The following GTF3C1 variants were observed in gnomAD, a reference collection of about 807,000 sequenced individuals.
GTF3C1 encodes the protein general transcription factor 3C polypeptide 1.
A neutral mutation model predicts 226.7 loss-of-function variants in GTF3C1; 57 were observed. That is an observed-to-expected ratio of 0.25 (90% confidence interval 0.20 to 0.31). The LOEUF (loss-of-function observed/expected upper bound fraction) is 0.31, where lower values mean the gene tolerates loss of function less well. GTF3C1 is among the 10% of genes least tolerant of loss of function. The probability of loss-of-function intolerance (pLI) is 1.00; values close to 1 mark genes in which losing one functional copy is unlikely to be tolerated. For missense variants in GTF3C1, 2,217 were observed against 2,776.1 expected (o/e 0.80, Z 4.53); for synonymous variants, 1,090 against 1,084.8 (o/e 1.00, Z -0.09).
Position 27,464,654 on chromosome 16 carries a change from G to A in GTF3C1, c.5538C>T (p.Pro1846=), listed in dbSNP as rs780116256. 1.3e-6 allele frequency: 2 copies of A among 1,526,440 alleles called. No homozygotes were observed. Among genetic ancestry groups the A allele is most frequent in the Admixed American group, 2.2e-5 (1 of 44,530 alleles). The allele number at this position is 1,526,440 out of a possible 1,614,324, so 94.6% of individuals were successfully genotyped here. A position where few individuals can be genotyped will look rare whatever the true frequency, so the allele number is the denominator to read the frequency against. ...GAGAAGGAGGTGCCTGCCCCTCGGGGGGGCTGTCCTCACTGGAAGACCCCT... is the reference window on the plus strand; with the variant it reads ...GAGAAGGAGGTGCCTGCCCCTCGGGAGGGCTGTCCTCACTGGAAGACCCCT... ...PLEGSSSEDS[P]PEGQAPPSHS... is the part of the protein sequence containing the mutation. The change falls in exon 34 of 37, where the codon CCC becomes CCT. Residue 1846 remains proline (P), a synonymous_variant. Coordinates refer to ENST00000356183, the MANE Select transcript of GTF3C1 (RefSeq NM_001520.4).
At chr16:27,493,919 G>C (rs1218514033) in intron 16 of GTF3C1, among the ~76,000 whole-genome samples, 1 of 150,178 alleles carries the variant, frequency 6.7e-6, no homozygotes, top group African/African-American at 2.4e-5. Flanking sequence ...AGTGAATATA[G>C]TTTCAATTCA....
At position 27,511,773 on chromosome 16, in the gene GTF3C1, T is replaced by C. The variant is rs778526776; in HGVS notation, c.1102A>G (p.Met368Val). 2 of 1,614,220 alleles carry C rather than the reference T, an allele frequency of 1.2e-6. No homozygotes were observed. Among genetic ancestry groups the C allele is most frequent in the South Asian group, 1.1e-5 (1 of 91,084 alleles). Reference protein sequence around the residue: ...PPVDIVFERDMLTQTYDLIER... With the variant: ...PPVDIVFERDVLTQTYDLIER... ...CTGAGGTCGTAGGTCTGTGTGAGCA[T>C]ATCCCGCTCGAACACAATGTCCACT... The change falls in exon 7 of 37, where the codon ATG becomes GTG. Residue 368 changes from methionine to valine, a missense_variant. Coordinates refer to ENST00000356183, the MANE Select transcript of GTF3C1 (RefSeq NM_001520.4).
intron 28 of GTF3C1, 72 bp downstream of exon 28, chr16:27,478,397 C>T (rs1243819000): frequency 5.7e-6 from 6 of 1,055,062 alleles, no homozygotes. Flanking sequence ...TAGATTACCC[C>T]AGTGCAATAG....
intron 28 of GTF3C1, among the ~76,000 whole-genome samples, chr16:27,477,484 A>C (rs1391861882): frequency 6.6e-6 from 1 of 151,840 alleles, no homozygotes; most frequent in Non-Finnish European, 1.5e-5. Context: ...TTGTATTTTT[A>C]AGTAGAGACG....
Position 27,489,610 on chromosome 16 carries a change from C to T in GTF3C1, c.3285G>A (p.Glu1095=). 2.5e-6 allele frequency: 4 copies of T among 1,608,156 alleles called. No individual in the cohort carries two copies. Among genetic ancestry groups the T allele is most frequent in the Middle Eastern group, 1.7e-4 (1 of 6,058 alleles). ...HNLERKCAML[E]YTTGSREVVD... ...TTGGGACGGACACGCACGTGGTGTA[C>T]TCCAGCATGGCGCACTTGCGCTCCA... The change falls in exon 20 of 37, where the codon GAG becomes GAA. Residue 1095 remains glutamate, a synonymous_variant. Transcript: ENST00000356183.
rs762801818 is a variant in GTF3C1 at position 27,470,416 on chromosome 16, A to C, written c.4527-21T>G. On this transcript the variant is annotated intron_variant, in intron 30 of 36. Coordinates refer to ENST00000356183, the MANE Select transcript of GTF3C1 (RefSeq NM_001520.4). This position sits in a 1 kb window ranked among gnomAD's most constrained non-coding sequence, Gnocchi z 4.9. ...AAATCCTACAGACAAAAAGAAAGGAAGGGCCTGACTGAGGGCCAGCTGTGG... is the reference window on the plus strand; with the variant it reads ...AAATCCTACAGACAAAAAGAAAGGACGGGCCTGACTGAGGGCCAGCTGTGG... 2.5e-6 allele frequency: 4 copies of C among 1,604,852 alleles called. No individual in the cohort carries two copies. Among genetic ancestry groups the C allele is most frequent in the Admixed American group, 3.4e-5 (2 of 59,406 alleles).
chr16:27,481,234 T>TAAA (rs1364810967), intron 26 of GTF3C1, 43 bp from the exon 27 acceptor site: 3 of 1,550,804 alleles, frequency 1.9e-6, no homozygotes, highest in Admixed American at 3.3e-5. Flanking sequence ...TTACTCTTCC[T>TAAA]AAAGGGAGGT....
At chr16:27,503,065 TG>T in intron 10 of GTF3C1, 70 bp from the exon 11 acceptor site, 1 of 1,159,308 alleles carries the variant, frequency 8.6e-7, no homozygotes, top group Non-Finnish European at 1.3e-6. Context: ...ACCACACCTG[TG>T]GGTGCACTGG....
intron 28 of GTF3C1, among the ~76,000 whole-genome samples, chr16:27,477,700 T>G (rs1460238741): frequency 6.6e-6 from 1 of 152,348 alleles, no homozygotes; most frequent in African/African-American, 2.4e-5. Flanking sequence ...ATTAATCAAC[T>G]CTTTGTTATT....
At chr16:27,515,566 C>T (rs1219785586) in intron 6 of GTF3C1, among the ~76,000 whole-genome samples, 1 of 152,132 alleles carries the variant, frequency 6.6e-6, no homozygotes, top group Non-Finnish European at 1.5e-5. Flanking sequence ...CCATCACAGC[C>T]TCCAACAAAT....
In GTF3C1 at chr16:27,537,760, T is replaced by C. The variant is rs746210153; in HGVS notation, c.752+24A>G. The C allele has an allele frequency of 2.2e-5, 34 of 1,566,408 alleles. No homozygotes were observed. The Admixed American group carries it at 6.3e-4, about 29-fold the overall frequency. On this transcript the variant is annotated intron_variant, in intron 4 of 36. Transcript: ENST00000356183. ...ACATGGCTGCAACTAAAAAACCTAATGTTTTGGTCACTACAAACCATACCT... is the reference window on the plus strand; with the variant it reads ...ACATGGCTGCAACTAAAAAACCTAACGTTTTGGTCACTACAAACCATACCT...
Position 27,464,415 on chromosome 16 carries a change from T to C in GTF3C1, c.5777A>G (p.Gln1926Arg). The change falls in exon 34 of 37, where the codon CAG (glutamine) becomes CGG (arginine). Residue 1926 changes from glutamine to arginine, a missense_variant. Coordinates refer to ENST00000356183, the MANE Select transcript of GTF3C1 (RefSeq NM_001520.4). Reference protein sequence around the residue: ...LEDTAAAGAAQEDQEGVGEFS... With the variant: ...LEDTAAAGAAREDQEGVGEFS... ...CTCACCGACACCCTCTTGGTCTTCC[T>C]GTGCTGCTCCCGCTGCAGCGGTGTC... 1 of 1,603,384 alleles carries C rather than the reference T, an allele frequency of 6.2e-7. No individual in the cohort carries two copies. The highest frequency in any genetic ancestry group is 1.1e-5 in the South Asian group (1 of 89,382).
chr16:27,508,164 C>T (rs968691772), intron 8 of GTF3C1, among the ~76,000 whole-genome samples: 2 of 152,236 alleles, frequency 1.3e-5, no homozygotes, highest in Non-Finnish European at 2.9e-5. Flanking sequence ...CATGCAACAC[C>T]ACGCCTGGCT....
At chr16:27,473,111 T>C (rs1223165864) in intron 29 of GTF3C1, among the ~76,000 whole-genome samples, 2 of 152,198 alleles carry the variant, frequency 1.3e-5, no homozygotes, top group Non-Finnish European at 2.9e-5. Flanking sequence ...TTTTTCACCA[T>C]GTTGCCCAGG....
intron 12 of GTF3C1, among the ~76,000 whole-genome samples, chr16:27,499,564 G>A (rs1381316403): frequency 2.0e-5 from 3 of 152,186 alleles, no homozygotes; most frequent in African/African-American, 7.2e-5. Context: ...ACAGGGGGCA[G>A]GAAGCAACGC....
intron 19 of GTF3C1, among the ~76,000 whole-genome samples, chr16:27,490,868 G>C (rs1218291814): frequency 6.6e-6 from 1 of 152,120 alleles, no homozygotes; most frequent in Non-Finnish European, 1.5e-5. Flanking sequence ...TGAATGAAGG[G>C]ACAATCAATG....
rs1341724606 is a variant in GTF3C1 at position 27,464,456 on chromosome 16, T to C, written c.5736A>G (p.Pro1912=). The C allele has an allele frequency of 6.3e-7, 1 of 1,596,794 alleles. No homozygotes were observed. Among genetic ancestry groups the C allele is most frequent in the Non-Finnish European group, 8.5e-7 (1 of 1,172,100 alleles). Residue 1912 remains proline, a synonymous_variant, in exon 34 of 37, where the codon CCA becomes CCG. Transcript: ENST00000356183. ...EDGAEAQAPS[P]PPALEDTAAA... is the part of the protein sequence containing the mutation. ...CAGCGGTGTCTTCAAGAGCTGGGGG[T>C]GGAGATGGGGCCTGGGCTTCTGCCC...
intron 25 of GTF3C1, 121 bp downstream of exon 25, chr16:27,484,090 C>G: frequency 1.3e-6 from 1 of 756,528 alleles, no homozygotes; most frequent in South Asian, 1.6e-5. Flanking sequence ...CCAGCAGACT[C>G]CAACACTTGG....
At position 27,507,494 on chromosome 16, in the gene GTF3C1, G is replaced by A. The variant is rs77290054; in HGVS notation, c.1243-338C>T. On this transcript the variant is annotated intron_variant, in intron 8 of 36. Transcript: ENST00000356183. The surrounding 1 kb of genome is among the most constrained non-coding windows in gnomAD (Gnocchi z 4.9). ...GTGGCCCACACAAAATGGACAGTAC[G>A]CAGCAAGCATTTGTGATGCAGACTG... Among the ~76,000 whole-genome samples, 5 of 152,322 alleles carry A rather than the reference G, an allele frequency of 3.3e-5. No homozygotes were observed. The highest frequency in any genetic ancestry group is 1.9e-4 in the East Asian group (1 of 5,190).
Sources: gnomAD v4.1 joint callset for allele counts (sites outside exome capture counted in the v4.1 genomes callset) on GRCh38, gnomAD v4.1.1 for gene constraint, Gnocchi (gnomAD v3.1) non-coding constraint, MANE v1.5 for transcripts, NCBI Gene and HGNC (gene_info 2026-07-23, HGNC 2026-07-21) for gene names.